The following CA8 variants were observed in gnomAD, a reference collection of about 807,000 sequenced individuals.
The protein encoded by CA8 is carbonic anhydrase 8 (inactive).
In CA8, 22 loss-of-function variants were observed where a neutral mutation model predicts 41.4. The ratio of observed to expected loss-of-function variants is 0.53; its 90% CI spans 0.38 to 0.76. The LOEUF (loss-of-function observed/expected upper bound fraction) is 0.76, where lower values mean the gene tolerates loss of function less well. Ranked by LOEUF, CA8 falls within the 30% of genes least tolerant of loss-of-function variation. CA8 has a pLI of 0.00. For synonymous variants in CA8, 121 were observed against 130.6 expected (o/e 0.93, Z 0.50); for missense variants, 270 against 352.8 (o/e 0.77, Z 1.88).
chr8:60,241,222 G>A (rs1314207855), intron 3 of CA8, among the ~76,000 whole-genome samples: 3 of 152,138 alleles, frequency 2.0e-5, no homozygotes, highest in Non-Finnish European at 4.4e-5. Context: ...ATATAACAGT[G>A]ACAAAATACT....
chr8:60,190,914 T>C (rs1257449159), intron 8 of CA8, among the ~76,000 whole-genome samples: 1 of 122,876 alleles, frequency 8.1e-6, no homozygotes, highest in Non-Finnish European at 1.7e-5. Flanking sequence ...TATGTATCTG[T>C]GGACACACCT....
intron 8 of CA8, among the ~76,000 whole-genome samples, chr8:60,206,105 T>A (rs1463167904): frequency 6.6e-6 from 1 of 152,148 alleles, no homozygotes; most frequent in Non-Finnish European, 1.5e-5. Context: ...CATAAAAAAA[T>A]GAAATAAGAA....
rs2130360776 is a variant in CA8, at chr8:60,187,209, G to A, written c.*2812C>T. 1 of 152,072 alleles carries A rather than the reference G, an allele frequency of 6.6e-6. No homozygotes were observed. The highest frequency in any genetic ancestry group is 1.5e-5 in the Non-Finnish European group (1 of 67,924). The allele number at this position is 152,072 out of a possible 1,614,324, so 9.4% of individuals were successfully genotyped here. Reference sequence around the variant, plus strand: ...CATAAATATGTGGAAATTAAACAATGTACTCCTAAATAACCATTGCATCAA... The same window carrying A: ...CATAAATATGTGGAAATTAAACAATATACTCCTAAATAACCATTGCATCAA... On this transcript the variant is annotated 3_prime_UTR_variant, in exon 9 of 9. Coordinates refer to ENST00000317995, the MANE Select transcript of CA8 (RefSeq NM_004056.6).
intron 3 of CA8, among the ~76,000 whole-genome samples, chr8:60,234,193 G>C (rs1807752996): frequency 1.3e-5 from 2 of 152,098 alleles, no homozygotes. Flanking sequence ...ATCTCAGTGA[G>C]AGACACTCCA....
At chr8:60,253,599 C>T (rs778576388) in intron 3 of CA8, among the ~76,000 whole-genome samples, 1 of 152,124 alleles carries the variant, frequency 6.6e-6, no homozygotes, top group Non-Finnish European at 1.5e-5. Flanking sequence ...TAGTAGTTCT[C>T]GGTTGCCTCA....
chr8:60,209,445 G>A (rs551034707), intron 7 of CA8, among the ~76,000 whole-genome samples: 10 of 152,222 alleles, frequency 6.6e-5, no homozygotes, highest in South Asian at 4.1e-4. Context: ...AGATCACACC[G>A]TTGCACTCCA....
At chr8:60,213,371 G>A (rs72663298) in intron 7 of CA8, among the ~76,000 whole-genome samples, 12,121 of 152,254 alleles carry the variant, frequency 0.08, 601 homozygotes, top group Non-Finnish European at 0.11. Context: ...AAGAATTACA[G>A]ATTAGAGAGC....
At chr8:60,232,984 G>A in intron 3 of CA8, among the ~76,000 whole-genome samples, 1 of 152,276 alleles carries the variant, frequency 6.6e-6, no homozygotes, top group South Asian at 2.1e-4. Flanking sequence ...GTGAAGAAAT[G>A]ACAAACAATG....
At chr8:60,250,407 G>C (rs1188437794) in intron 3 of CA8, among the ~76,000 whole-genome samples, 1 of 152,130 alleles carries the variant, frequency 6.6e-6, no homozygotes, top group Non-Finnish European at 1.5e-5. Flanking sequence ...CATCCTTTCA[G>C]TTACCAAGAC....
At chr8:60,213,877 C>T (rs1199893449) in intron 7 of CA8, among the ~76,000 whole-genome samples, 1 of 151,940 alleles carries the variant, frequency 6.6e-6, no homozygotes, top group Non-Finnish European at 1.5e-5. Context: ...TTCAGGACCT[C>T]GGCATTCTCG....
At chr8:60,276,925 C>A (rs1451897337) in intron 2 of CA8, among the ~76,000 whole-genome samples, 1 of 152,010 alleles carries the variant, frequency 6.6e-6, no homozygotes, top group African/African-American at 2.4e-5. Context: ...TTGAGACCAG[C>A]CTGACCAACA....
chr8:60,202,839 T>C (rs564377000), intron 8 of CA8, among the ~76,000 whole-genome samples: 2 of 152,332 alleles, frequency 1.3e-5, no homozygotes, highest in South Asian at 4.1e-4. Context: ...AAATGCTGTA[T>C]ACTATACCAT....
At chr8:60,277,498 C>A (rs1168134785) in intron 2 of CA8, among the ~76,000 whole-genome samples, 2 of 151,974 alleles carry the variant, frequency 1.3e-5, no homozygotes, top group Non-Finnish European at 2.9e-5. Flanking sequence ...GGATTACAGG[C>A]GTGTGCCACC....
At chr8:60,207,272 C>T (rs1183064743) in intron 8 of CA8, among the ~76,000 whole-genome samples, 2 of 152,204 alleles carry the variant, frequency 1.3e-5, no homozygotes, top group East Asian at 3.8e-4. Flanking sequence ...GTAAAGCCTC[C>T]CACAAGATTT....
intron 3 of CA8, among the ~76,000 whole-genome samples, chr8:60,243,629 G>C (rs1003195517): frequency 1.3e-5 from 2 of 151,820 alleles, no homozygotes; most frequent in East Asian, 3.9e-4. Flanking sequence ...CCCTGAACGC[G>C]CCCGATCTCG....
Position 60,221,788 on chromosome 8 carries a change from ATT to A in CA8, c.738+859_738+860del, listed in dbSNP as rs1001520048. On this transcript the variant is annotated intron_variant, in intron 7 of 8. Coordinates refer to ENST00000317995, the MANE Select transcript of CA8 (RefSeq NM_004056.6). Reference sequence around the variant, plus strand: ...GAAATTATTAAATGTTGGAAGAAGGATTTTTTTTTAAGATTTAAGGACAAAAT... The same window carrying A: ...GAAATTATTAAATGTTGGAAGAAGGATTTTTTTAAGATTTAAGGACAAAAT... Among the ~76,000 whole-genome samples the A allele has an allele frequency of 3.0e-3, 457 of 151,830 alleles. 1 individual carries two copies. The highest frequency in any genetic ancestry group is 0.01 in the African/African-American group (424 of 41,452).
intron 3 of CA8, among the ~76,000 whole-genome samples, chr8:60,241,617 G>T (rs1808030857): frequency 6.6e-6 from 1 of 151,988 alleles, no homozygotes; most frequent in Admixed American, 6.5e-5. Context: ...GCTTGGTGCA[G>T]TCATAGATCA....
In CA8 at chr8:60,222,750, G is replaced by A. The variant is rs145210688; in HGVS notation, c.637C>T (p.Arg213Trp). ...GAGCCTTCATACACCCAGTAATCCC[G>A]CAGCAGAGGGTCTGCACAGCCACGT... is the stretch of plus-strand genomic sequence containing the variant. ...PNTLLPDPLL[R>W]DYWVYEGSLT... is the part of the protein sequence containing the mutation. The change falls in exon 7 of 9, where the codon CGG becomes TGG. Residue 213 changes from arginine (R) to tryptophan (W), a missense_variant. Around this residue, in one of 3 missense-constraint regions of CA8, gnomAD observed 141 missense variants for 191.6 expected, o/e 0.74. Coordinates refer to ENST00000317995, the MANE Select transcript of CA8 (RefSeq NM_004056.6). 2.3e-5 allele frequency: 37 copies of A among 1,610,654 alleles called. No individual in the cohort carries two copies. The highest frequency in any genetic ancestry group is 1.7e-4 in the Middle Eastern group (1 of 6,060).
intron 3 of CA8, among the ~76,000 whole-genome samples, chr8:60,234,926 T>C (rs763487640): frequency 5.9e-5 from 9 of 152,232 alleles, no homozygotes; most frequent in Non-Finnish European, 8.8e-5. Flanking sequence ...AGAGGTTGGC[T>C]AATTCAAGTA....
Sources: allele counts gnomAD v4.1 joint callset (sites outside exome capture counted in the v4.1 genomes callset), GRCh38; gene constraint gnomAD v4.1.1; regional missense constraint gnomAD v4.1.1; transcripts MANE v1.5; gene names NCBI Gene and HGNC (gene_info 2026-07-23, HGNC 2026-07-21).